GAS7: variants seen among roughly 807,000 people sequenced by gnomAD.
The protein encoded by GAS7 is growth arrest specific 7.
GAS7 carries 28 observed loss-of-function variants against 71.1 expected under a neutral mutation model. That is an observed-to-expected ratio of 0.39 (90% CI 0.29 to 0.54). The LOEUF is 0.54. Ranked by LOEUF, GAS7 falls within the 20% of genes least tolerant of loss-of-function variation. GAS7 has a pLI of 0.62. For synonymous variants in GAS7, 258 were observed against 245.8 expected (o/e 1.05, Z -0.46); for missense variants, 436 against 627.8 (o/e 0.69, Z 3.27).
chr17:10,158,351 A>C (rs936346706), intron 1 of GAS7, among the ~76,000 whole-genome samples: 1 of 150,932 alleles, frequency 6.6e-6, no homozygotes, highest in Non-Finnish European at 1.5e-5. Flanking sequence ...AAAAAAAAAA[A>C]AAAAAAAAAC....
chr17:9,958,193 G>A (rs1246854590), intron 5 of GAS7, among the ~76,000 whole-genome samples: 2 of 152,068 alleles, frequency 1.3e-5, no homozygotes, highest in Admixed American at 6.6e-5. Flanking sequence ...TAATATAACC[G>A]ACACTCTGGC....
intron 1 of GAS7, among the ~76,000 whole-genome samples, chr17:10,148,225 G>A (rs2074135830): frequency 6.6e-6 from 1 of 152,086 alleles, no homozygotes; most frequent in African/African-American, 2.4e-5. Context: ...TTATTTTTGT[G>A]GGGTGAAAAG....
intron 1 of GAS7, among the ~76,000 whole-genome samples, chr17:10,186,706 C>T (rs1030396679): frequency 6.6e-6 from 1 of 152,076 alleles, no homozygotes; most frequent in Non-Finnish European, 1.5e-5. Flanking sequence ...GTGCCCGGCC[C>T]AAAGCCTTCT....
intron 1 of GAS7, among the ~76,000 whole-genome samples, chr17:10,192,881 G>A (rs1567627667): frequency 6.6e-6 from 1 of 152,022 alleles, no homozygotes; most frequent in African/African-American, 2.4e-5. Context: ...AAAGCACGCT[G>A]GTCTTTTCAG....
chr17:10,098,280 G>A (rs891290344), intron 1 of GAS7, among the ~76,000 whole-genome samples: 8 of 152,174 alleles, frequency 5.3e-5, no homozygotes, highest in African/African-American at 1.9e-4. Context: ...CTGGCCAGGA[G>A]AGCAGGAGGT....
intron 9 of GAS7, among the ~76,000 whole-genome samples, chr17:9,931,186 CACCTGGCTGTGTG>C (rs1369322505): frequency 2.0e-5 from 3 of 152,228 alleles, no homozygotes; most frequent in African/African-American, 7.2e-5. Flanking sequence ...TGACTGAACC[CACCTGGCTGTGTG>C]ACCATGGGCT....
chr17:10,046,585 A>G (rs1597745457), intron 1 of GAS7, among the ~76,000 whole-genome samples: 1 of 151,258 alleles, frequency 6.6e-6, no homozygotes, highest in South Asian at 2.1e-4. Context: ...AAAATACAAA[A>G]ATTAGCCAGG....
intron 1 of GAS7, among the ~76,000 whole-genome samples, chr17:10,097,703 T>C (rs969405170): frequency 7.9e-5 from 12 of 152,126 alleles, no homozygotes; most frequent in South Asian, 4.2e-4. Context: ...AGGTACACAC[T>C]AGGCAACCTC....
intron 1 of GAS7, among the ~76,000 whole-genome samples, chr17:10,024,302 G>A (rs1398091988): frequency 6.6e-6 from 1 of 152,150 alleles, no homozygotes; most frequent in African/African-American, 2.4e-5. Flanking sequence ...AGGACACAGT[G>A]TGCATAACCA....
intron 1 of GAS7, among the ~76,000 whole-genome samples, chr17:10,155,638 G>A (rs1318273447): frequency 6.6e-6 from 1 of 152,046 alleles, no homozygotes; most frequent in East Asian, 1.9e-4. Flanking sequence ...CTTCCCTGGC[G>A]GTACCATTCT....
chr17:10,120,878 C>CCCA (rs1382090332), intron 1 of GAS7, among the ~76,000 whole-genome samples: 13 of 152,168 alleles, frequency 8.5e-5, no homozygotes, highest in Admixed American at 7.2e-4. Context: ...GGCAGCTGCC[C>CCCA]CCACCCCTCC....
chr17:10,020,132 G>C, intron 1 of GAS7: 1 of 432,110 alleles, frequency 2.3e-6, no homozygotes, highest in Non-Finnish European at 4.2e-6. Flanking sequence ...GCTCCTCTGG[G>C]AGCAGAGAGG....
At chr17:10,180,998 C>G (rs980364670) in intron 1 of GAS7, among the ~76,000 whole-genome samples, 1 of 148,680 alleles carries the variant, frequency 6.7e-6, no homozygotes, top group Non-Finnish European at 1.5e-5. Flanking sequence ...AACAAAATTC[C>G]AACCCAGTAG....
At chr17:10,074,043 G>C (rs1211777838) in intron 1 of GAS7, among the ~76,000 whole-genome samples, 1 of 152,180 alleles carries the variant, frequency 6.6e-6, no homozygotes, top group Non-Finnish European at 1.5e-5. Context: ...CCTGTCCCAG[G>C]CAGAGCTTAC....
At chr17:10,038,564 G>T (rs1477975076) in intron 1 of GAS7, among the ~76,000 whole-genome samples, 1 of 151,996 alleles carries the variant, frequency 6.6e-6, no homozygotes, top group African/African-American at 2.4e-5. Flanking sequence ...AGAACTGAAA[G>T]CAGAGTCCTG....
At chr17:10,017,114 G>C (rs1416146468) in intron 2 of GAS7, among the ~76,000 whole-genome samples, 1 of 150,480 alleles carries the variant, frequency 6.6e-6, no homozygotes, top group Non-Finnish European at 1.5e-5. Context: ...CTGGGCAACA[G>C]AGTGAGACCC....
rs373575195 is a variant in GAS7 at position 10,141,951 on chromosome 17, G to A, written c.183+56257C>T. Among the ~76,000 whole-genome samples, 70 of 150,018 alleles carry A rather than the reference G, an allele frequency of 4.7e-4. 2 individuals are homozygous for A. The South Asian group carries it at 0.013, about 29-fold the overall frequency. On this transcript the variant is annotated intron_variant, in intron 1 of 13. Transcript: ENST00000432992. ...ATATTAAAAAGTTACATAGTAGGCC[G>A]GGCGCAATGGCTCACGCCTGTAATC...
At chr17:9,921,543 T>C (rs1239614558) in intron 11 of GAS7, among the ~76,000 whole-genome samples, 1 of 152,202 alleles carries the variant, frequency 6.6e-6, no homozygotes, top group Non-Finnish European at 1.5e-5. Flanking sequence ...CTTCAGGAAC[T>C]TCCACAGCAT....
chr17:10,004,804 G>A (rs1474155018), intron 2 of GAS7, among the ~76,000 whole-genome samples: 1 of 152,164 alleles, frequency 6.6e-6, no homozygotes, highest in Non-Finnish European at 1.5e-5. Context: ...GAGGTCAGGA[G>A]TTCAAGACCA....
Sources: gnomAD v4.1 joint callset for allele counts (sites outside exome capture counted in the v4.1 genomes callset) on GRCh38, gnomAD v4.1.1 for gene constraint, MANE v1.5 for transcripts, NCBI Gene and HGNC (gene_info 2026-07-23, HGNC 2026-07-21) for gene names.